The following MTCH2 variants were observed in gnomAD, a reference collection of about 807,000 sequenced individuals.
MTCH2 encodes mitochondrial carrier homolog 2.
MTCH2 carries 25 observed loss-of-function variants against 50.6 expected under a neutral mutation model. The observed-to-expected ratio is 0.49, with a 90% confidence interval of 0.36 to 0.69. The LOEUF is 0.69. Among genes scored for constraint, MTCH2 ranks in the 30% least tolerant of loss-of-function variants. The pLI, the probability that MTCH2 is intolerant of heterozygous loss-of-function variation, is 0.00. For missense variants in MTCH2, 273 were observed against 384.4 expected (o/e 0.71, Z 2.42); for synonymous variants, 106 against 132.0 (o/e 0.80, Z 1.35).
chr11:47,613,942 C>T (rs1441101575), downstream of MTCH2, among the ~76,000 whole-genome samples: 3 of 151,918 alleles, frequency 2.0e-5, no homozygotes, highest in African/African-American at 4.8e-5. Flanking sequence ...AAAAATGAGC[C>T]GCGGGTGGTG....
downstream of MTCH2, among the ~76,000 whole-genome samples, chr11:47,614,746 T>C (rs1267555718): frequency 6.6e-6 from 1 of 152,202 alleles, no homozygotes; most frequent in Admixed American, 6.5e-5. Flanking sequence ...CATACCTAAT[T>C]TTTGTAATTT....
chr11:47,632,281 A>G (rs2097303762), intron 5 of MTCH2, among the ~76,000 whole-genome samples: 1 of 152,062 alleles, frequency 6.6e-6, no homozygotes, highest in Admixed American at 6.6e-5. Flanking sequence ...AGGAAGTAAT[A>G]AAGAAAATTA....
chr11:47,633,528 T>TA (rs34564448), intron 5 of MTCH2, among the ~76,000 whole-genome samples: 542 of 21,534 alleles, frequency 0.025, 6 homozygotes, highest in African/African-American at 0.067. Context: ...ATATATATAT[T>TA]TTTTTTTTTT....
In MTCH2 at chr11:47,618,073, CCTTT is replaced by C. The variant is rs575177368; in HGVS notation, c.*756_*759del. 7.4e-4 allele frequency: 113 copies of C among 152,220 alleles called. No individual in the cohort carries two copies. Among genetic ancestry groups the C allele is most frequent in the African/African-American group, 2.4e-3 (100 of 41,544 alleles). The allele number at this position is 152,220 out of a possible 1,614,324, so 9.4% of individuals were successfully genotyped here. ...ATATTTTATGTGAAAACAAGAACTT[CCTTT>C]GAGGAAAAAAGTGCCATTATACTTC... is the stretch of plus-strand genomic sequence containing the variant. On this transcript the variant is annotated 3_prime_UTR_variant, in exon 13 of 13. Transcript: ENST00000302503.
intron 3 of MTCH2, among the ~76,000 whole-genome samples, chr11:47,637,905 C>T (rs1412170260): frequency 1.3e-5 from 2 of 152,160 alleles, no homozygotes; most frequent in Non-Finnish European, 2.9e-5. Context: ...TTTACTCCAT[C>T]GATATAATTA....
At chr11:47,640,260 C>T (rs2097312808) in intron 1 of MTCH2, among the ~76,000 whole-genome samples, 1 of 151,898 alleles carries the variant, frequency 6.6e-6, no homozygotes, top group Non-Finnish European at 1.5e-5. Flanking sequence ...ACCTGGGAGG[C>T]GGAGGTTGCA....
downstream of MTCH2, among the ~76,000 whole-genome samples, chr11:47,616,773 C>T (rs2097288673): frequency 6.6e-6 from 1 of 151,248 alleles, no homozygotes; most frequent in African/African-American, 2.4e-5. Flanking sequence ...ACCTCCACCT[C>T]CTGGGTTTCA....
intron 7 of MTCH2, 95 bp downstream of exon 7, chr11:47,630,941 A>G: frequency 9.6e-7 from 1 of 1,046,082 alleles, no homozygotes; most frequent in African/African-American, 1.6e-5. Context: ...TTTGTTCTAC[A>G]AATTGTAAGG....
the MTCH2 span, among the ~76,000 whole-genome samples, chr11:47,605,410 T>C: frequency 6.6e-6 from 1 of 152,136 alleles, no homozygotes; most frequent in East Asian, 1.9e-4. Context: ...TATCCTATGC[T>C]TATGCAGCTG....
chr11:47,608,833 C>T, the MTCH2 span, among the ~76,000 whole-genome samples: 7 of 151,632 alleles, frequency 4.6e-5, no homozygotes, highest in Admixed American at 1.3e-4. Context: ...TGGTGGGCAC[C>T]TGTAGTCCCA....
intron 11 of MTCH2, among the ~76,000 whole-genome samples, chr11:47,624,006 C>T (rs1023667262): frequency 7.9e-5 from 12 of 151,714 alleles, no homozygotes; most frequent in Non-Finnish European, 1.3e-4. Flanking sequence ...GAACCAAGAT[C>T]GCGCCACCAC....
At chr11:47,607,212 A>G in the MTCH2 span, among the ~76,000 whole-genome samples, 11 of 152,354 alleles carry the variant, frequency 7.2e-5, no homozygotes, top group East Asian at 1.5e-3. Flanking sequence ...GGGGTGATTG[A>G]GCTGACATAT....
At chr11:47,621,160 G>C (rs999206298) in intron 12 of MTCH2, among the ~76,000 whole-genome samples, 4 of 152,216 alleles carry the variant, frequency 2.6e-5, no homozygotes, top group African/African-American at 7.2e-5. Context: ...AATCATTCAA[G>C]TATTCAAGCT....
At chr11:47,639,543 A>C (rs1598856948) in intron 1 of MTCH2, among the ~76,000 whole-genome samples, 1 of 152,252 alleles carries the variant, frequency 6.6e-6, no homozygotes, top group East Asian at 1.9e-4. Flanking sequence ...TCATGTTAGA[A>C]GAACAGGCTG....
At chr11:47,632,065 T>A (rs2097303589) in intron 5 of MTCH2, among the ~76,000 whole-genome samples, 1 of 152,178 alleles carries the variant, frequency 6.6e-6, no homozygotes, top group Non-Finnish European at 1.5e-5. Flanking sequence ...GAGGCCTTTA[T>A]TGAGATTATT....
intron 12 of MTCH2, among the ~76,000 whole-genome samples, chr11:47,620,732 G>A (rs577065468): frequency 2.3e-4 from 35 of 152,164 alleles, no homozygotes; most frequent in Non-Finnish European, 4.9e-4. Context: ...GTATAAATCT[G>A]AGCCTTCCCA....
chr11:47,622,629 G>C (rs757905944), intron 12 of MTCH2, 72 bp downstream of exon 12: 1 of 1,233,646 alleles, frequency 8.1e-7, no homozygotes, highest in South Asian at 1.5e-5. Flanking sequence ...GGATTCCAGA[G>C]ACAATATTTA....
downstream of MTCH2, among the ~76,000 whole-genome samples, chr11:47,612,908 T>G (rs1393420775): frequency 6.6e-6 from 1 of 152,084 alleles, no homozygotes; most frequent in Non-Finnish European, 1.5e-5. Context: ...ATGTCACATG[T>G]GACTTTTTCC....
intron 1 of MTCH2, among the ~76,000 whole-genome samples, chr11:47,641,303 A>T (rs1033565408): frequency 2.0e-5 from 3 of 152,232 alleles, no homozygotes; most frequent in Non-Finnish European, 4.4e-5. Flanking sequence ...CTTTGTTCTA[A>T]GTACAAAGAA....
Sources: gnomAD v4.1 joint callset for allele counts (sites outside exome capture counted in the v4.1 genomes callset) on GRCh38, gnomAD v4.1.1 for gene constraint, MANE v1.5 for transcripts, NCBI Gene and HGNC (gene_info 2026-07-23, HGNC 2026-07-21) for gene names.